Variants in NPAS3 observed in about 807,000 individuals in gnomAD.
NPAS3 encodes neuronal PAS domain protein 3.
In NPAS3, 14 loss-of-function variants were observed where a neutral mutation model predicts 73.1. The ratio of observed to expected loss-of-function variants is 0.19; its 90% confidence interval spans 0.13 to 0.30. The LOEUF is 0.30. NPAS3 is among the 10% of genes least tolerant of loss of function. The probability of loss-of-function intolerance (pLI) is 1.00; values close to 1 mark genes in which losing one functional copy is unlikely to be tolerated. For synonymous variants in NPAS3, 620 were observed against 541.5 expected (o/e 1.14, Z -2.01); for missense variants, 1,096 against 1,250.0 (o/e 0.88, Z 1.86).
At chr14:33,255,163 T>G (rs1051070340) in intron 3 of NPAS3, among the ~76,000 whole-genome samples, 2 of 152,206 alleles carry the variant, frequency 1.3e-5, no homozygotes, top group Non-Finnish European at 2.9e-5. Flanking sequence ...ATAGCAGGTT[T>G]GGAAATAACC....
chr14:33,669,595 T>G (rs1233127412), intron 5 of NPAS3, among the ~76,000 whole-genome samples: 1 of 152,156 alleles, frequency 6.6e-6, no homozygotes, highest in African/African-American at 2.4e-5. Flanking sequence ...AGCGTATAAT[T>G]TACCCTTAAA....
At chr14:33,333,949 T>G (rs907349926) in intron 3 of NPAS3, among the ~76,000 whole-genome samples, 5 of 152,086 alleles carry the variant, frequency 3.3e-5, no homozygotes, top group Admixed American at 6.6e-5. Context: ...GTCAAAATTC[T>G]CCCCTGGAAA....
chr14:33,106,922 T>A (rs1399009056), intron 2 of NPAS3, among the ~76,000 whole-genome samples: 1 of 152,066 alleles, frequency 6.6e-6, no homozygotes, highest in African/African-American at 2.4e-5. Context: ...AAAACAGGTA[T>A]GTGTGTGTGC....
chr14:33,297,895 C>G (rs1263340845), intron 3 of NPAS3, among the ~76,000 whole-genome samples: 1 of 152,192 alleles, frequency 6.6e-6, no homozygotes, highest in Non-Finnish European at 1.5e-5. Context: ...TCAGATGAGT[C>G]CTTCTCTGCC....
At chr14:33,744,688 G>A (rs2061743188) in intron 7 of NPAS3, among the ~76,000 whole-genome samples, 2 of 152,138 alleles carry the variant, frequency 1.3e-5, no homozygotes, top group East Asian at 1.9e-4. Context: ...TACTCAGGAG[G>A]CTGAGGCAGG....
chr14:33,503,725 C>T (rs779244348), intron 4 of NPAS3, among the ~76,000 whole-genome samples: 27 of 151,936 alleles, frequency 1.8e-4, no homozygotes, highest in Admixed American at 8.5e-4. Context: ...GGGGAAAATC[C>T]AGCCCCTGCC....
rs1421721076 is a variant in NPAS3 at position 33,117,143 on chromosome 14, TCATC to T, written c.140+61152_140+61155del. 5.9e-5 allele frequency among the ~76,000 whole-genome samples: 9 copies of T among 152,122 alleles called. No homozygotes were observed. The East Asian group carries it at 1.7e-3, about 29-fold the overall frequency. On this transcript the variant is annotated intron_variant, in intron 2 of 11. Coordinates refer to ENST00000356141, the Ensembl canonical transcript of NPAS3. ...GTTTTCGTACATATATGCTGTATAA[TCATC>T]CAATCAGGGTATTTAGCATGACCAT...
intron 7 of NPAS3, among the ~76,000 whole-genome samples, chr14:33,736,292 A>G (rs1014133356): frequency 6.6e-6 from 1 of 152,210 alleles, no homozygotes; most frequent in Non-Finnish European, 1.5e-5. Context: ...GCAGCTGTAT[A>G]GAAGTCAGAG....
intron 5 of NPAS3, among the ~76,000 whole-genome samples, chr14:33,586,957 G>A (rs1384200677): frequency 1.3e-5 from 2 of 152,174 alleles, no homozygotes; most frequent in East Asian, 1.9e-4. Context: ...AGAGGAGTCT[G>A]CACAGTGAGA....
intron 1 of NPAS3, among the ~76,000 whole-genome samples, chr14:33,032,887 C>A (rs1031727569): frequency 5.9e-5 from 9 of 152,266 alleles, no homozygotes; most frequent in Admixed American, 5.2e-4. Context: ...ATCTTGTGAG[C>A]TTGTATTATA....
intron 4 of NPAS3, among the ~76,000 whole-genome samples, chr14:33,537,117 A>G (rs1038493597): frequency 2.6e-5 from 4 of 152,310 alleles, no homozygotes; most frequent in African/African-American, 9.6e-5. Context: ...GATGGTGTAT[A>G]TCTTCCCCCT....
At chr14:33,789,869 G>A (rs542358547) in intron 9 of NPAS3, among the ~76,000 whole-genome samples, 17 of 152,156 alleles carry the variant, frequency 1.1e-4, no homozygotes, top group African/African-American at 3.4e-4. Context: ...GATTACAGGC[G>A]TGAGCCACCG....
At chr14:33,362,151 G>C (rs146380498) in intron 3 of NPAS3, among the ~76,000 whole-genome samples, 71 of 152,202 alleles carry the variant, frequency 4.7e-4, no homozygotes, top group Middle Eastern at 3.4e-3. Context: ...GGTTAAGCTG[G>C]TACCCAGTGC....
At chr14:33,652,057 A>G (rs1383387203) in intron 5 of NPAS3, among the ~76,000 whole-genome samples, 2 of 152,218 alleles carry the variant, frequency 1.3e-5, no homozygotes, top group East Asian at 3.8e-4. Context: ...AAATACGGTT[A>G]AAAATCAAAA....
chr14:32,972,686 A>T (rs1045031499), intron 1 of NPAS3, among the ~76,000 whole-genome samples: 1 of 152,078 alleles, frequency 6.6e-6, no homozygotes, highest in African/African-American at 2.4e-5. Context: ...CTACTGTAGG[A>T]GGGGGGAAAA....
intron 5 of NPAS3, among the ~76,000 whole-genome samples, chr14:33,624,459 A>G (rs2140108085): frequency 6.6e-6 from 1 of 152,154 alleles, no homozygotes. Flanking sequence ...ATTTTTTATG[A>G]TTGAGTAAAG....
chr14:33,667,415 A>T (rs945348079), intron 5 of NPAS3, among the ~76,000 whole-genome samples: 15 of 152,156 alleles, frequency 9.9e-5, no homozygotes, highest in Admixed American at 9.8e-4. Context: ...CCTCACCACC[A>T]CCACAGTCCT....
At chr14:33,606,252 T>G (rs1290949604) in intron 5 of NPAS3, among the ~76,000 whole-genome samples, 2 of 114,490 alleles carry the variant, frequency 1.7e-5, no homozygotes, top group African/African-American at 6.8e-5. Context: ...TTCCCCAGAG[T>G]GTGATGTTCC....
intron 2 of NPAS3, among the ~76,000 whole-genome samples, chr14:33,143,204 T>A (rs1034084391): frequency 6.6e-6 from 1 of 150,544 alleles, no homozygotes; most frequent in African/African-American, 2.4e-5. Context: ...TAAAAAAAGT[T>A]ATCCTGGCCG....
Sources: allele counts gnomAD v4.1 joint callset (sites outside exome capture counted in the v4.1 genomes callset), GRCh38; gene constraint gnomAD v4.1.1; transcripts MANE v1.5; gene names NCBI Gene and HGNC (gene_info 2026-07-23, HGNC 2026-07-21).